Variants in WASHC3 observed in about 807,000 individuals in gnomAD.
WASHC3 encodes the protein WASH complex subunit CCDC53.
Under a neutral mutation model 26.1 loss-of-function variants are expected in WASHC3, and 24 were observed. The observed-to-expected ratio is 0.92, with a 90% confidence interval of 0.66 to 1.29. The LOEUF (loss-of-function observed/expected upper bound fraction) is 1.29, where lower values mean the gene tolerates loss of function less well. Ranked by LOEUF, WASHC3 falls within the 50% of genes most tolerant of loss-of-function variation. WASHC3 has a pLI of 0.00. For synonymous variants in WASHC3, 77 were observed against 75.7 expected (o/e 1.02, Z -0.09); for missense variants, 214 against 229.6 (o/e 0.93, Z 0.44).
chr12:102,035,811 CAG>C (rs1565815611), intron 5 of WASHC3, among the ~76,000 whole-genome samples: 1 of 152,100 alleles, frequency 6.6e-6, no homozygotes, highest in Non-Finnish European at 1.5e-5. Context: ...AATCATAAAA[CAG>C]AGTATTAAGT....
chr12:102,045,504 T>TA (rs1330912724), intron 3 of WASHC3, among the ~76,000 whole-genome samples: 3 of 152,098 alleles, frequency 2.0e-5, no homozygotes, highest in Non-Finnish European at 4.4e-5. Context: ...AAAACACATG[T>TA]AAAAAAATAT....
chr12:102,046,893 C>T (rs1304411216), intron 2 of WASHC3, among the ~76,000 whole-genome samples: 2 of 152,098 alleles, frequency 1.3e-5, no homozygotes, highest in Non-Finnish European at 2.9e-5. Flanking sequence ...TCAGCATATA[C>T]AATTCGTCCC....
chr12:102,013,056 G>T lies in WASHC3; in HGVS notation c.*52C>A. On this transcript the variant is annotated 3_prime_UTR_variant, in exon 7 of 7. Coordinates refer to ENST00000240079, the MANE Select transcript of WASHC3 (RefSeq NM_016053.4). ...GAGAGTTCAGGCTCAATCTCTTACA[G>T]AATGTAAATGTACCCCTATGCATGC... 1.2e-6 allele frequency: 1 copy of T among 806,380 alleles called. No individual in the cohort carries two copies. The highest frequency in any genetic ancestry group is 2.1e-6 in the Non-Finnish European group (1 of 486,488). 50.0% of individuals were successfully genotyped at this position (806,380 alleles called of 1,614,324 possible). A position where few individuals can be genotyped will look rare whatever the true frequency, so the allele number is the denominator to read the frequency against.
At chr12:102,017,554 C>T (rs539166963) in intron 6 of WASHC3, among the ~76,000 whole-genome samples, 4 of 152,136 alleles carry the variant, frequency 2.6e-5, no homozygotes, top group Non-Finnish European at 4.4e-5. Context: ...TAGCAGGCTG[C>T]ATTCAGAAAC....
chr12:102,043,320 A>T (rs1878017569), intron 4 of WASHC3, among the ~76,000 whole-genome samples: 1 of 151,998 alleles, frequency 6.6e-6, no homozygotes, highest in African/African-American at 2.4e-5. Context: ...CCTAGGCTGG[A>T]GTGCAGTAGT....
intron 2 of WASHC3, among the ~76,000 whole-genome samples, chr12:102,057,813 GTTGTTAC>G (rs1386957280): frequency 6.6e-6 from 1 of 151,964 alleles, no homozygotes; most frequent in Non-Finnish European, 1.5e-5. Flanking sequence ...AAACATGAAT[GTTGTTAC>G]AAGGTTGACA....
intron 4 of WASHC3, among the ~76,000 whole-genome samples, chr12:102,042,489 C>T (rs1877979719): frequency 6.6e-6 from 1 of 152,108 alleles, no homozygotes; most frequent in African/African-American, 2.4e-5. Flanking sequence ...TGCTAGGGCT[C>T]TTGGCACCAG....
intron 2 of WASHC3, among the ~76,000 whole-genome samples, chr12:102,051,854 A>T (rs897758235): frequency 2.0e-5 from 3 of 152,256 alleles, no homozygotes; most frequent in African/African-American, 7.2e-5. Context: ...CACATAAAGC[A>T]CTTAGTATGA....
chr12:102,017,833 A>G, intron 6 of WASHC3: 2 of 423,980 alleles, frequency 4.7e-6, no homozygotes, highest in South Asian at 3.5e-5. Context: ...ATAACATAAA[A>G]TTTAATATTG....
chr12:102,060,252 T>C (rs560815572), intron 2 of WASHC3, among the ~76,000 whole-genome samples: 1 of 152,338 alleles, frequency 6.6e-6, no homozygotes, highest in East Asian at 1.9e-4. Context: ...CATCCTCTTT[T>C]GGCTTTTTAA....
intron 4 of WASHC3, among the ~76,000 whole-genome samples, chr12:102,043,286 T>C (rs140832553): frequency 2.2e-4 from 34 of 152,294 alleles, no homozygotes; most frequent in African/African-American, 7.7e-4. Flanking sequence ...TTTTTTATTT[T>C]TGAGGCAGGG....
chr12:102,055,931 A>G (rs1878576336), intron 2 of WASHC3, among the ~76,000 whole-genome samples: 1 of 152,176 alleles, frequency 6.6e-6, no homozygotes, highest in Admixed American at 6.5e-5. Context: ...CACAGTGTTA[A>G]CACAAAAGAG....
intron 4 of WASHC3, among the ~76,000 whole-genome samples, chr12:102,042,880 C>T (rs1359563502): frequency 2.6e-5 from 4 of 152,094 alleles, no homozygotes; most frequent in Admixed American, 1.3e-4. Context: ...TTTAATACCT[C>T]GCTGAGATAC....
chr12:102,046,468 C>T (rs10778167), intron 2 of WASHC3, among the ~76,000 whole-genome samples: 46,566 of 151,956 alleles, frequency 0.31, 7,589 homozygotes, highest in East Asian at 0.45. Context: ...CTAATTTTTG[C>T]ATTTTTAGTA....
chr12:102,047,127 A>C (rs1335539394), intron 2 of WASHC3, among the ~76,000 whole-genome samples: 3 of 152,246 alleles, frequency 2.0e-5, no homozygotes, highest in Non-Finnish European at 4.4e-5. Context: ...GCATCATAAA[A>C]TATGACCATT....
chr12:102,059,185 G>A (rs188054920), intron 2 of WASHC3, among the ~76,000 whole-genome samples: 5 of 152,152 alleles, frequency 3.3e-5, no homozygotes, highest in African/African-American at 1.2e-4. Context: ...TAAGAGAGGC[G>A]ATTTTAAGTG....
At chr12:102,028,730 G>A (rs1877303618) in intron 5 of WASHC3, among the ~76,000 whole-genome samples, 1 of 151,268 alleles carries the variant, frequency 6.6e-6, no homozygotes, top group African/African-American at 2.4e-5. Context: ...TTGAACATCA[G>A]CTTCATGGAA....
chr12:102,025,994 T>C lies in WASHC3; in HGVS notation c.480A>G (p.Gly160=), dbSNP rs1308789358. 5 of 1,531,470 alleles carry C rather than the reference T, an allele frequency of 3.3e-6. No homozygotes were observed. Among genetic ancestry groups the C allele is most frequent in the Admixed American group, 1.9e-5 (1 of 53,208 alleles). 94.9% of individuals were successfully genotyped at this position (1,531,470 alleles called of 1,614,324 possible). The change falls in exon 6 of 7, where the codon GGA becomes GGG. Residue 160 remains glycine (G), a synonymous_variant. Transcript: ENST00000240079. ...MAIRNKMISE[G]LDPDLLERPD... ...CTTACTCAAGAAGATCTGGGTCTAG[T>C]CCTTCTGATATCATTTTGTTTCTTA...
At chr12:102,061,414 T>C in intron 1 of WASHC3, 68 bp from the exon 2 acceptor site, 1 of 1,043,728 alleles carries the variant, frequency 9.6e-7, no homozygotes, top group South Asian at 1.3e-5. Flanking sequence ...TTTTCATATT[T>C]GGACATAATC....
Sources: gnomAD v4.1 joint callset for allele counts (sites outside exome capture counted in the v4.1 genomes callset) on GRCh38, gnomAD v4.1.1 for gene constraint, MANE v1.5 for transcripts, NCBI Gene and HGNC (gene_info 2026-07-23, HGNC 2026-07-21) for gene names.